Variants in KIRREL3 observed in about 807,000 individuals in gnomAD.
The protein encoded by KIRREL3 is kirre like nephrin family adhesion molecule 3, also known as kin of IRRE-like protein 3.
KIRREL3 carries 36 observed loss-of-function variants against 89.7 expected under a neutral mutation model. That is an observed-to-expected ratio of 0.40 (90% CI 0.31 to 0.53). The LOEUF is 0.53. KIRREL3 is among the 20% of genes least tolerant of loss of function. The pLI is 0.49. For synonymous variants in KIRREL3, 445 were observed against 441.4 expected, an observed-to-expected ratio of 1.01 and a Z score of -0.10; for missense variants, 864 against 1,056.6, an observed-to-expected ratio of 0.82 and a Z score of 2.53.
At position 126,987,296 on chromosome 11, in the gene KIRREL3, A is replaced by G. The variant is rs1313974524; in HGVS notation, c.55+13159T>C. 2.0e-5 allele frequency among the ~76,000 whole-genome samples: 3 copies of G among 152,232 alleles called. No homozygotes were observed. The highest frequency in any genetic ancestry group is 3.2e-3 in the Middle Eastern group (1 of 316). ...CAGAGTCTATAGTACGCATAAAGTC[A>G]ACAATGAACAAGACTAAGACAATTT... On this transcript the variant is annotated intron_variant, in intron 1 of 16. Coordinates refer to ENST00000525144, the MANE Select transcript of KIRREL3 (RefSeq NM_032531.4). This position sits in a 1 kb window ranked among gnomAD's most constrained non-coding sequence, Gnocchi z 4.6.
At position 126,431,833 on chromosome 11, in the gene KIRREL3, G is replaced by A. The variant is rs1955145229; in HGVS notation, c.1589-307C>T. 1.3e-5 allele frequency among the ~76,000 whole-genome samples: 2 copies of A among 152,120 alleles called. No homozygotes were observed. Among genetic ancestry groups the A allele is most frequent in the African/African-American group, 4.8e-5 (2 of 41,428 alleles). On this transcript the variant is annotated intron_variant, in intron 13 of 16. Coordinates refer to ENST00000525144, the MANE Select transcript of KIRREL3 (RefSeq NM_032531.4). The surrounding 1 kb of genome is among the most constrained non-coding windows in gnomAD (Gnocchi z 7.1). ...AGAAGGGAGGGCCAGGGGACAGGAA[G>A]ACCGGAGATGAGGGGTGGGGCTGGC...
At position 126,467,456 on chromosome 11, in the gene KIRREL3, C is replaced by T. The variant is rs545150187; in HGVS notation, c.592-4149G>A. ...GCAGTGGAGAGCCAGGCTGAGCTCT[C>T]GGAAATGGGTGGGCTGGAGGGCAGA... On this transcript the variant is annotated intron_variant, in intron 5 of 16. Transcript: ENST00000525144. 2.6e-5 allele frequency among the ~76,000 whole-genome samples: 4 copies of T among 152,244 alleles called. No individual in the cohort carries two copies. In the East Asian group the frequency reaches 5.8e-4, roughly 22 times the overall value.
chr11:126,521,441 C>T lies in KIRREL3; in HGVS notation c.307G>A (p.Gly103Arg). The change falls in exon 4 of 17, where the codon GGG (glycine) becomes AGG (arginine). Residue 103 changes from glycine to arginine, a missense_variant. Transcript: ENST00000525144. The surrounding 1 kb of genome is among the most constrained non-coding windows in gnomAD (Gnocchi z 4.1). ...LSSYPQYLVV[G>R]NHLSGEHHLK... is the part of the protein sequence containing the mutation. ...TGGTGCTCCCCTGACAGGTGGTTCC[C>T]TACCACCAGGTACTGTGGGTAACCT... 6.3e-7 allele frequency: 1 copy of T among 1,582,130 alleles called. No homozygotes were observed. Among genetic ancestry groups the T allele is most frequent in the Non-Finnish European group, 8.6e-7 (1 of 1,163,894 alleles).
In KIRREL3 at chr11:126,614,182, T is replaced by G. The variant is rs1943252841; in HGVS notation, c.56-51270A>C. The stretch of plus-strand genomic sequence containing the variant: ...GGGATTAACATGTGCGCTTTAAGGG[T>G]TGGAAAAGTTCGATCTATTGTCGAT... On this transcript the variant is annotated intron_variant, in intron 1 of 16. Coordinates refer to ENST00000525144, the MANE Select transcript of KIRREL3 (RefSeq NM_032531.4). The surrounding 1 kb of genome is among the most constrained non-coding windows in gnomAD (Gnocchi z 4.6). Among the ~76,000 whole-genome samples the G allele has an allele frequency of 6.6e-6, 1 of 152,098 alleles. No individual in the cohort carries two copies. The highest frequency in any genetic ancestry group is 2.4e-5 in the African/African-American group (1 of 41,416).
Position 126,782,912 on chromosome 11 carries a change from C to A in KIRREL3, c.55+217543G>T, listed in dbSNP as rs954823414. On this transcript the variant is annotated intron_variant, in intron 1 of 16. Transcript: ENST00000525144. This position sits in a 1 kb window ranked among gnomAD's most constrained non-coding sequence, Gnocchi z 4.1. ...ATCCAGAGTTTGGTTTCTGATACCA[C>A]TCTGTAATAAAAGGAACCAGGGCTC... Among the ~76,000 whole-genome samples the A allele has an allele frequency of 2.0e-5, 3 of 152,142 alleles. No individual in the cohort carries two copies. The highest frequency in any genetic ancestry group is 4.4e-5 in the Non-Finnish European group (3 of 68,040).
chr11:126,583,467 A>G (rs1320641607), intron 1 of KIRREL3, among the ~76,000 whole-genome samples: 1 of 152,200 alleles, frequency 6.6e-6, no homozygotes, highest in East Asian at 1.9e-4. Context: ...GGGCCTCAGC[A>G]CGAGCACCAG....
chr11:126,919,392 G>C (rs1020215514), intron 1 of KIRREL3, among the ~76,000 whole-genome samples: 1 of 152,186 alleles, frequency 6.6e-6, no homozygotes, highest in Admixed American at 6.5e-5. Context: ...TAGCATGGTT[G>C]GCTCAACAAG....
Position 126,477,540 on chromosome 11 carries a change from C to T in KIRREL3, c.434-4074G>A, listed in dbSNP as rs1028739263. On this transcript the variant is annotated intron_variant, in intron 4 of 16. Transcript: ENST00000525144. This position sits in a 1 kb window ranked among gnomAD's most constrained non-coding sequence, Gnocchi z 4.8. ...TGAGGGTGGGCTTGGGACGCACATC[C>T]TGGCTGTAACTGGAGAGGTAAAGCT... Among the ~76,000 whole-genome samples the T allele has an allele frequency of 1.3e-5, 2 of 152,230 alleles. No homozygotes were observed. Among genetic ancestry groups the T allele is most frequent in the African/African-American group, 4.8e-5 (2 of 41,456 alleles).
chr11:126,659,215 AT>A (rs1268557281), intron 1 of KIRREL3, among the ~76,000 whole-genome samples: 1 of 152,022 alleles, frequency 6.6e-6, no homozygotes, highest in South Asian at 2.1e-4. Flanking sequence ...GAGTTTATTT[AT>A]TTTTTCTCTT....
rs1950138196 is a variant in KIRREL3 at position 126,995,004 on chromosome 11, A to G, written c.55+5451T>C. 2.8e-6 allele frequency: 1 copy of G among 363,072 alleles called. No homozygotes were observed. 22.5% of individuals were successfully genotyped at this position (363,072 alleles called of 1,614,324 possible). A position where few individuals can be genotyped will look rare whatever the true frequency, so the allele number is the denominator to read the frequency against. On this transcript the variant is annotated intron_variant, in intron 1 of 16. Coordinates refer to ENST00000525144, the MANE Select transcript of KIRREL3 (RefSeq NM_032531.4). This position sits in a 1 kb window ranked among gnomAD's most constrained non-coding sequence, Gnocchi z 6.5. Reference sequence around the variant, plus strand: ...GACATGCAATGACGTATGGAACAGTACTGTGTCTCGGTGCAGTCGATTCTC... The same window carrying G: ...GACATGCAATGACGTATGGAACAGTGCTGTGTCTCGGTGCAGTCGATTCTC...
In KIRREL3 at chr11:126,601,629, G is replaced by A. The variant is rs1942658174; in HGVS notation, c.56-38717C>T. On this transcript the variant is annotated intron_variant, in intron 1 of 16. Transcript: ENST00000525144. The surrounding 1 kb of genome is among the most constrained non-coding windows in gnomAD (Gnocchi z 5.8). Reference sequence around the variant, plus strand: ...CAGGTTTTCTCCTTATGGCACCTGAGAGAACCAGAGAAAGGAGGCCTCACA... The same window carrying A: ...CAGGTTTTCTCCTTATGGCACCTGAAAGAACCAGAGAAAGGAGGCCTCACA... 6.6e-6 allele frequency among the ~76,000 whole-genome samples: 1 copy of A among 152,192 alleles called. No homozygotes were observed. Among genetic ancestry groups the A allele is most frequent in the African/African-American group, 2.4e-5 (1 of 41,430 alleles).
At chr11:126,833,508 C>T (rs1316772419) in intron 1 of KIRREL3, among the ~76,000 whole-genome samples, 1 of 152,230 alleles carries the variant, frequency 6.6e-6, no homozygotes, top group East Asian at 1.9e-4. Flanking sequence ...TCCCACTTAA[C>T]TGGCACCCTT....
At position 126,571,323 on chromosome 11, in the gene KIRREL3, T is replaced by C. The variant is rs967975859; in HGVS notation, c.56-8411A>G. 1.4e-4 allele frequency among the ~76,000 whole-genome samples: 22 copies of C among 152,186 alleles called. No homozygotes were observed. The highest frequency in any genetic ancestry group is 2.9e-5 in the Non-Finnish European group (2 of 68,020). On this transcript the variant is annotated intron_variant, in intron 1 of 16. Coordinates refer to ENST00000525144, the MANE Select transcript of KIRREL3 (RefSeq NM_032531.4). The surrounding 1 kb of genome is among the most constrained non-coding windows in gnomAD (Gnocchi z 7.7). The stretch of plus-strand genomic sequence containing the variant: ...CAGCCATCAGCTTTCTCTGGGGCAC[T>C]TGGCCATCAACATGGGACCCAAGGT...
Position 126,931,497 on chromosome 11 carries a change from T to A in KIRREL3, c.55+68958A>T, listed in dbSNP as rs545537677. The stretch of plus-strand genomic sequence containing the variant: ...TCCAGGAACCCATAGCATTGTGGCA[T>A]CCAGACTTTGAGACAATCTTAAATA... On this transcript the variant is annotated intron_variant, in intron 1 of 16. Coordinates refer to ENST00000525144, the MANE Select transcript of KIRREL3 (RefSeq NM_032531.4). The surrounding 1 kb of genome is among the most constrained non-coding windows in gnomAD (Gnocchi z 5.1). Among the ~76,000 whole-genome samples, 2 of 152,342 alleles carry A rather than the reference T, an allele frequency of 1.3e-5. No individual in the cohort carries two copies. The highest frequency in any genetic ancestry group is 2.4e-5 in the African/African-American group (1 of 41,576).
intron 11 of KIRREL3, 124 bp from the exon 12 acceptor site, chr11:126,437,133 C>T: frequency 1.2e-6 from 1 of 865,004 alleles, no homozygotes; most frequent in East Asian, 2.7e-5. Flanking sequence ...AACACATGTG[C>T]ACACGGGTAT....
In KIRREL3 at chr11:126,565,726, C is replaced by T. The variant is rs1940469109; in HGVS notation, c.56-2814G>A. On this transcript the variant is annotated intron_variant, in intron 1 of 16. Transcript: ENST00000525144. The surrounding 1 kb of genome is among the most constrained non-coding windows in gnomAD (Gnocchi z 5.4). Reference sequence around the variant, plus strand: ...AAGCTAAATTAAAGGTCATTGGGTTCACATGAGTGTGCCAGCAGGGAGTGA... The same window carrying T: ...AAGCTAAATTAAAGGTCATTGGGTTTACATGAGTGTGCCAGCAGGGAGTGA... Among the ~76,000 whole-genome samples the T allele has an allele frequency of 6.6e-6, 1 of 151,988 alleles. No homozygotes were observed. The highest frequency in any genetic ancestry group is 1.5e-5 in the Non-Finnish European group (1 of 68,002).
chr11:126,494,487 C>G (rs570666647), intron 4 of KIRREL3, among the ~76,000 whole-genome samples: 1 of 152,274 alleles, frequency 6.6e-6, no homozygotes, highest in Non-Finnish European at 1.5e-5. Context: ...GTTGCTGATC[C>G]TATCTTTGTC....
rs1284286306 is a variant in KIRREL3, at chr11:126,495,796, G to A, written c.434-22330C>T. Among the ~76,000 whole-genome samples the A allele has an allele frequency of 6.6e-6, 1 of 152,200 alleles. No homozygotes were observed. The highest frequency in any genetic ancestry group is 2.4e-5 in the African/African-American group (1 of 41,438). Reference sequence around the variant, plus strand: ...AGGCAGTGCTGTGCAGCAGCCTGAGGATCAGGACACTGGGACTCTAGTCCT... The same window carrying A: ...AGGCAGTGCTGTGCAGCAGCCTGAGAATCAGGACACTGGGACTCTAGTCCT... On this transcript the variant is annotated intron_variant, in intron 4 of 16. Transcript: ENST00000525144. This position sits in a 1 kb window ranked among gnomAD's most constrained non-coding sequence, Gnocchi z 6.5.
chr11:126,694,185 G>T lies in KIRREL3; in HGVS notation c.56-131273C>A, dbSNP rs1365604467. The stretch of plus-strand genomic sequence containing the variant: ...AGTCGTCAGGCAGTAAAAGAAAATT[G>T]CAGGGATGGGGAAATAATGAAAAAG... On this transcript the variant is annotated intron_variant, in intron 1 of 16. Transcript: ENST00000525144. The surrounding 1 kb of genome is among the most constrained non-coding windows in gnomAD (Gnocchi z 4.4). Among the ~76,000 whole-genome samples, 2 of 152,198 alleles carry T rather than the reference G, an allele frequency of 1.3e-5. No individual in the cohort carries two copies. The highest frequency in any genetic ancestry group is 2.9e-5 in the Non-Finnish European group (2 of 68,028).
Sources: gnomAD v4.1 joint callset for allele counts (sites outside exome capture counted in the v4.1 genomes callset) on GRCh38, gnomAD v4.1.1 for gene constraint, Gnocchi (gnomAD v3.1) non-coding constraint, MANE v1.5 for transcripts, NCBI Gene and HGNC (gene_info 2026-07-23, HGNC 2026-07-21) for gene names.